AGMO: variants seen among roughly 807,000 people sequenced by gnomAD.
AGMO encodes the protein alkylglycerol monooxygenase.
AGMO carries 75 observed loss-of-function variants against 60.2 expected under a neutral mutation model. The observed-to-expected ratio is 1.25, with a 90% CI of 1.03 to 1.51. The LOEUF (loss-of-function observed/expected upper bound fraction) is 1.51, where lower values mean the gene tolerates loss of function less well. AGMO is among the 40% of genes most tolerant of loss of function. The pLI, the probability that AGMO is intolerant of heterozygous loss-of-function variation, is 0.00. For synonymous variants in AGMO, 261 were observed against 177.1 expected (o/e 1.47, Z -3.76); for missense variants, 763 against 525.5 (o/e 1.45, Z -4.42).
Position 15,321,599 on chromosome 7 carries a change from T to A in AGMO, c.1263+43915A>T, listed in dbSNP as rs374924478. ...CTTAGCATTTGTAGATAAGACAATTTGCTTAAAGTTTTGAATTTAATAGTG... is the reference window on the plus strand; with the variant it reads ...CTTAGCATTTGTAGATAAGACAATTAGCTTAAAGTTTTGAATTTAATAGTG... On this transcript the variant is annotated intron_variant, in intron 12 of 12. Transcript: ENST00000342526. 1.8e-4 allele frequency among the ~76,000 whole-genome samples: 27 copies of A among 152,250 alleles called. No homozygotes were observed. The East Asian group carries it at 2.5e-3, about 14-fold the overall frequency.
chr7:15,335,126 G>A, intron 12 of AGMO, among the ~76,000 whole-genome samples: 1 of 152,136 alleles, frequency 6.6e-6, no homozygotes, highest in East Asian at 1.9e-4. Flanking sequence ...AATGTAAAGT[G>A]TTCCATTTCT....
chr7:15,239,573 C>G (rs1463661906), intron 12 of AGMO, among the ~76,000 whole-genome samples: 1 of 152,090 alleles, frequency 6.6e-6, no homozygotes, highest in Non-Finnish European at 1.5e-5. Context: ...AACCCTATAG[C>G]AATTCGTGTT....
At chr7:15,376,520 T>C (rs887916786) in intron 10 of AGMO, among the ~76,000 whole-genome samples, 2 of 152,262 alleles carry the variant, frequency 1.3e-5, no homozygotes, top group Admixed American at 1.3e-4. Context: ...AAATTTATAT[T>C]GGATACTCTC....
chr7:15,215,342 T>C (rs182734381), intron 12 of AGMO, among the ~76,000 whole-genome samples: 122 of 152,176 alleles, frequency 8.0e-4, no homozygotes, highest in African/African-American at 2.8e-3. Context: ...TATGTGGAAA[T>C]TTTATTTTTC....
the AGMO span, among the ~76,000 whole-genome samples, chr7:15,137,371 A>G: frequency 6.6e-6 from 1 of 152,092 alleles, no homozygotes; most frequent in South Asian, 2.1e-4. Context: ...TTTCTCTTTG[A>G]TTTTTATTTG....
intron 3 of AGMO, among the ~76,000 whole-genome samples, chr7:15,496,304 G>A (rs953572630): frequency 6.6e-6 from 1 of 152,106 alleles, no homozygotes; most frequent in African/African-American, 2.4e-5. Context: ...TAAATGATTG[G>A]CTTTGTGCAT....
At position 15,514,226 on chromosome 7, in the gene AGMO, C is replaced by T. The variant is rs1010289045; in HGVS notation, c.409+30546G>A. ...TAAAATCTACTTATTGTGCTCTTTT[C>T]GGCTTAGCCCGCTTTTCTTTTCTCT... is the stretch of plus-strand genomic sequence containing the variant. On this transcript the variant is annotated intron_variant, in intron 3 of 12. Coordinates refer to ENST00000342526, the MANE Select transcript of AGMO (RefSeq NM_001004320.2). 4.6e-5 allele frequency among the ~76,000 whole-genome samples: 7 copies of T among 152,226 alleles called. No individual in the cohort carries two copies. The East Asian group carries it at 9.7e-4, about 21-fold the overall frequency.
chr7:15,147,412 G>C, the AGMO span, among the ~76,000 whole-genome samples: 5 of 152,292 alleles, frequency 3.3e-5, no homozygotes, highest in South Asian at 4.2e-4. Context: ...TGGCAGGCGA[G>C]AGAGAGGACG....
At chr7:15,398,443 G>T (rs1583509829) in intron 5 of AGMO, among the ~76,000 whole-genome samples, 1 of 152,172 alleles carries the variant, frequency 6.6e-6, no homozygotes, top group South Asian at 2.1e-4. Flanking sequence ...GTACCTTGGA[G>T]CTGGGGAAGA....
chr7:15,356,191 C>T (rs1416115493), intron 12 of AGMO, among the ~76,000 whole-genome samples: 1 of 152,104 alleles, frequency 6.6e-6, no homozygotes, highest in Non-Finnish European at 1.5e-5. Flanking sequence ...TCCAGCAATT[C>T]CCATCTAGAT....
intron 12 of AGMO, among the ~76,000 whole-genome samples, chr7:15,299,863 ACACACACACACACACACACACAC>A (rs1563075525): frequency 5.3e-5 from 8 of 150,922 alleles, no homozygotes; most frequent in Admixed American, 2.0e-4. Flanking sequence ...ACACACACAC[ACACACACACACACACACACACAC>A]AGTATGTTTT....
At chr7:15,137,745 C>G in the AGMO span, among the ~76,000 whole-genome samples, 280 of 151,932 alleles carry the variant, frequency 1.8e-3, 2 homozygotes, top group African/African-American at 6.3e-3. Flanking sequence ...AGCCCCAGAA[C>G]AAATGTCACC....
chr7:15,167,395 G>C, the AGMO span, among the ~76,000 whole-genome samples: 1 of 152,088 alleles, frequency 6.6e-6, no homozygotes, highest in African/African-American at 2.4e-5. Flanking sequence ...ATTATGAAGA[G>C]ACTTATATTC....
At chr7:15,454,309 T>A (rs569490959) in intron 3 of AGMO, among the ~76,000 whole-genome samples, 1 of 152,080 alleles carries the variant, frequency 6.6e-6, no homozygotes, top group South Asian at 2.1e-4. Flanking sequence ...TGAAATGTGC[T>A]TGAATGTGCT....
At chr7:15,209,103 C>T (rs117203148) in intron 12 of AGMO, among the ~76,000 whole-genome samples, 30 of 152,272 alleles carry the variant, frequency 2.0e-4, no homozygotes, top group Non-Finnish European at 3.7e-4. Flanking sequence ...CTGGCAGTGT[C>T]GCCCATTTCC....
intron 6 of AGMO, 38 bp from the exon 7 acceptor site, chr7:15,390,943 A>G (rs747393561): frequency 1.5e-6 from 2 of 1,316,310 alleles, no homozygotes; most frequent in Admixed American, 4.2e-5. Flanking sequence ...TTTCAGAAAA[A>G]TAGTTATGCT....
intron 3 of AGMO, among the ~76,000 whole-genome samples, chr7:15,533,255 C>T (rs1784412406): frequency 6.6e-6 from 1 of 151,884 alleles, no homozygotes; most frequent in South Asian, 2.1e-4. Flanking sequence ...TTATTTATCT[C>T]CATTCTCTTA....
At chr7:15,375,121 C>T (rs1010737972) in intron 10 of AGMO, among the ~76,000 whole-genome samples, 1 of 152,044 alleles carries the variant, frequency 6.6e-6, no homozygotes, top group Non-Finnish European at 1.5e-5. Context: ...AAGAAAGATC[C>T]TACAACAGTT....
chr7:15,304,679 C>G (rs1780558395), intron 12 of AGMO, among the ~76,000 whole-genome samples: 1 of 152,050 alleles, frequency 6.6e-6, no homozygotes. Context: ...GATTTGTCAA[C>G]AGTCCAATGA....
Sources: gnomAD v4.1 joint callset for allele counts (sites outside exome capture counted in the v4.1 genomes callset) on GRCh38, gnomAD v4.1.1 for gene constraint, MANE v1.5 for transcripts, NCBI Gene and HGNC (gene_info 2026-07-23, HGNC 2026-07-21) for gene names.